CADM2: variants seen among roughly 807,000 people sequenced by gnomAD.
CADM2 encodes cell adhesion molecule 2, also known as immunoglobulin superfamily member 4D.
In CADM2, 12 loss-of-function variants were observed where a neutral mutation model predicts 49.8. The ratio of observed to expected loss-of-function variants is 0.24; its 90% CI spans 0.15 to 0.39. The LOEUF (loss-of-function observed/expected upper bound fraction) is 0.39, where lower values mean the gene tolerates loss of function less well. Among genes scored for constraint, CADM2 ranks in the 10% least tolerant of loss-of-function variants. The pLI is 1.00. For synonymous variants in CADM2, 214 were observed against 175.4 expected (o/e 1.22, Z -1.74); for missense variants, 378 against 492.3 (o/e 0.77, Z 2.20).
chr3:85,217,200 A>T (rs1425523900), intron 1 of CADM2, among the ~76,000 whole-genome samples: 1 of 151,818 alleles, frequency 6.6e-6, no homozygotes, highest in Admixed American at 6.6e-5. Context: ...GTCTTATAAC[A>T]CTGGCACAAA....
At chr3:85,273,933 A>T in intron 1 of CADM2, among the ~76,000 whole-genome samples, 1 of 151,444 alleles carries the variant, frequency 6.6e-6, no homozygotes, top group East Asian at 1.9e-4. Flanking sequence ...GGAAGATAAG[A>T]TTGAAGCATC....
chr3:85,887,205 G>T (rs1417673957), intron 5 of CADM2, among the ~76,000 whole-genome samples: 1 of 152,036 alleles, frequency 6.6e-6, no homozygotes, highest in Non-Finnish European at 1.5e-5. Context: ...TCCCGCCTCA[G>T]CCTCCTGAGT....
chr3:85,595,837 C>T (rs898689774), intron 1 of CADM2, among the ~76,000 whole-genome samples: 12 of 151,892 alleles, frequency 7.9e-5, no homozygotes, highest in Non-Finnish European at 1.0e-4. Flanking sequence ...TAAAGTGTTA[C>T]ACTTTTTTTC....
intron 3 of CADM2, among the ~76,000 whole-genome samples, chr3:85,879,394 G>A (rs1370872018): frequency 2.0e-5 from 3 of 152,004 alleles, no homozygotes; most frequent in Non-Finnish European, 2.9e-5. Flanking sequence ...GACAGCAAAG[G>A]GGATACAATC....
chr3:85,264,907 C>T (rs774578613), intron 1 of CADM2, among the ~76,000 whole-genome samples: 1 of 151,964 alleles, frequency 6.6e-6, no homozygotes, highest in African/African-American at 2.4e-5. Context: ...CAAGCCAATA[C>T]CAGTTGTTTC....
At chr3:85,345,032 A>G (rs993161218) in intron 1 of CADM2, among the ~76,000 whole-genome samples, 3 of 152,148 alleles carry the variant, frequency 2.0e-5, no homozygotes, top group Admixed American at 6.6e-5. Flanking sequence ...TGTCAGAAAT[A>G]TCTCTGAAGA....
intron 2 of CADM2, among the ~76,000 whole-genome samples, chr3:85,765,982 G>A (rs1577256634): frequency 1.3e-5 from 2 of 152,080 alleles, no homozygotes; most frequent in Non-Finnish European, 2.9e-5. Flanking sequence ...TGAAAGGGAG[G>A]AAAATGTGCA....
intron 1 of CADM2, among the ~76,000 whole-genome samples, chr3:85,550,183 T>G (rs906459146): frequency 6.6e-6 from 1 of 152,130 alleles, no homozygotes; most frequent in African/African-American, 2.4e-5. Flanking sequence ...GCGTTTCTGC[T>G]CTAGTTTATT....
At chr3:85,459,371 A>G (rs889898855) in intron 1 of CADM2, among the ~76,000 whole-genome samples, 15 of 152,260 alleles carry the variant, frequency 9.9e-5, no homozygotes, top group African/African-American at 3.6e-4. Flanking sequence ...GTGGGTATTT[A>G]GGCCAGGCTC....
At chr3:85,008,048 C>T (rs919409082) in intron 1 of CADM2, among the ~76,000 whole-genome samples, 31 of 152,102 alleles carry the variant, frequency 2.0e-4, no homozygotes, top group African/African-American at 7.0e-4. Flanking sequence ...AAAGGACTAA[C>T]TGAGTCTGGC....
intron 1 of CADM2, among the ~76,000 whole-genome samples, chr3:85,325,097 T>C (rs1270590729): frequency 6.6e-6 from 1 of 152,206 alleles, no homozygotes; most frequent in African/African-American, 2.4e-5. Flanking sequence ...CATGAAATGG[T>C]AAAAATAGTA....
intron 1 of CADM2, among the ~76,000 whole-genome samples, chr3:85,101,510 A>T (rs2038011490): frequency 1.3e-5 from 2 of 152,184 alleles, no homozygotes; most frequent in African/African-American, 4.8e-5. Flanking sequence ...TTGATTCCTT[A>T]GCATTTTAAT....
chr3:85,613,299 A>G (rs2063722532), intron 1 of CADM2, among the ~76,000 whole-genome samples: 1 of 151,742 alleles, frequency 6.6e-6, no homozygotes, highest in South Asian at 2.1e-4. Flanking sequence ...ATATTAATCT[A>G]GTATAACCTA....
At chr3:85,827,800 G>T (rs987655123) in intron 3 of CADM2, among the ~76,000 whole-genome samples, 1 of 151,700 alleles carries the variant, frequency 6.6e-6, no homozygotes, top group African/African-American at 2.4e-5. Context: ...CTCATATATC[G>T]TACTCAAAGT....
intron 1 of CADM2, among the ~76,000 whole-genome samples, chr3:85,128,106 T>C (rs1336170533): frequency 6.6e-6 from 1 of 152,174 alleles, no homozygotes; most frequent in Admixed American, 6.5e-5. Context: ...GGTGCTTATA[T>C]ATGTTTTTAT....
chr3:85,413,161 A>AAAAAAAAT (rs1553720239), intron 1 of CADM2, among the ~76,000 whole-genome samples: 59 of 108,494 alleles, frequency 5.4e-4, no homozygotes, highest in African/African-American at 2.1e-3. Flanking sequence ...AAAAAAAAAA[A>AAAAAAAAT]AATAATAATA....
chr3:85,919,957 T>A (rs913131602), intron 6 of CADM2, among the ~76,000 whole-genome samples: 6 of 151,978 alleles, frequency 3.9e-5, no homozygotes, highest in Non-Finnish European at 7.4e-5. Context: ...AGAGATTCTT[T>A]ATTTCATGTA....
intron 1 of CADM2, among the ~76,000 whole-genome samples, chr3:85,701,963 T>A (rs2066779398): frequency 8.4e-6 from 1 of 119,280 alleles, no homozygotes; most frequent in Non-Finnish European, 1.7e-5. Flanking sequence ...TAGATGTAGA[T>A]AGATAGACAT....
chr3:85,470,774 C>CA (rs2038731680), intron 1 of CADM2, among the ~76,000 whole-genome samples: 2 of 152,132 alleles, frequency 1.3e-5, no homozygotes, highest in Admixed American at 1.3e-4. Context: ...CCAAGAAACT[C>CA]AGACATAAAG....
Sources: gnomAD v4.1 joint callset for allele counts (sites outside exome capture counted in the v4.1 genomes callset) on GRCh38, gnomAD v4.1.1 for gene constraint, MANE v1.5 for transcripts, NCBI Gene and HGNC (gene_info 2026-07-23, HGNC 2026-07-21) for gene names.